Variants in TBC1D22A observed in about 807,000 individuals in gnomAD.
TBC1D22A encodes the protein TBC1 domain family member 22A.
A neutral mutation model predicts 60.2 loss-of-function variants in TBC1D22A; 38 were observed. The ratio of observed to expected loss-of-function variants is 0.63; its 90% CI spans 0.49 to 0.83. The LOEUF (loss-of-function observed/expected upper bound fraction) is 0.83. Among genes scored for constraint, TBC1D22A ranks in the 40% least tolerant of loss-of-function variants. The pLI, the probability that TBC1D22A is intolerant of heterozygous loss-of-function variation, is 0.00. For missense variants in TBC1D22A, 628 were observed against 701.0 expected (o/e 0.90, Z 1.18); for synonymous variants, 302 against 281.7 (o/e 1.07, Z -0.72).
intron 10 of TBC1D22A, among the ~76,000 whole-genome samples, chr22:47,005,463 A>C (rs1602952729): frequency 1.3e-5 from 2 of 151,612 alleles, no homozygotes; most frequent in African/African-American, 2.4e-5. Context: ...CTATACACCC[A>C]CCATATACAC....
intron 5 of TBC1D22A, among the ~76,000 whole-genome samples, chr22:46,884,349 T>G (rs983048317): frequency 2.6e-5 from 4 of 152,176 alleles, no homozygotes; most frequent in African/African-American, 9.7e-5. Flanking sequence ...GGTGCATTCC[T>G]GTCTGGTTCA....
At chr22:46,967,832 G>T (rs748352108) in intron 8 of TBC1D22A, among the ~76,000 whole-genome samples, 19 of 150,940 alleles carry the variant, frequency 1.3e-4, no homozygotes, top group South Asian at 4.2e-4. Flanking sequence ...TATGATTCCA[G>T]TGCACCCCCT....
At chr22:46,854,417 A>G (rs959479736) in intron 4 of TBC1D22A, among the ~76,000 whole-genome samples, 4 of 149,860 alleles carry the variant, frequency 2.7e-5, no homozygotes, top group African/African-American at 7.4e-5. Flanking sequence ...TGAACAAGCC[A>G]CCCCTCTCCA....
chr22:47,049,379 G>A (rs1238387411), intron 11 of TBC1D22A, among the ~76,000 whole-genome samples: 4 of 152,262 alleles, frequency 2.6e-5, no homozygotes, highest in Non-Finnish European at 5.9e-5. Flanking sequence ...GTCCCCCTGG[G>A]CAGCGGGACC....
At chr22:46,841,073 T>TGTGTGTGTGA (rs35099198) in intron 4 of TBC1D22A, among the ~76,000 whole-genome samples, 5,713 of 148,462 alleles carry the variant, frequency 0.038, 141 homozygotes, top group Non-Finnish European at 0.057. Flanking sequence ...TGTGTGTGTG[T>TGTGTGTGTGA]GAGAGAGAGA....
chr22:46,809,984 T>G (rs933423369), intron 4 of TBC1D22A, among the ~76,000 whole-genome samples: 1 of 152,246 alleles, frequency 6.6e-6, no homozygotes, highest in African/African-American at 2.4e-5. Context: ...TGATCTTTAC[T>G]TAAAATTCTT....
At chr22:46,988,638 A>C (rs1011698852) in intron 9 of TBC1D22A, among the ~76,000 whole-genome samples, 8 of 152,252 alleles carry the variant, frequency 5.3e-5, no homozygotes, top group African/African-American at 1.7e-4. Flanking sequence ...GTAGGTCTCA[A>C]CAGTGGGCTT....
At chr22:46,768,310 C>A (rs2083357630) in intron 1 of TBC1D22A, 1 of 151,972 alleles carries the variant, frequency 6.6e-6, no homozygotes, top group African/African-American at 2.4e-5. Context: ...CATGGTGAAA[C>A]CCCGTCTCTA....
At chr22:46,819,575 C>A (rs544674955) in intron 4 of TBC1D22A, among the ~76,000 whole-genome samples, 1 of 152,160 alleles carries the variant, frequency 6.6e-6, no homozygotes, top group Non-Finnish European at 1.5e-5. Context: ...CCTTGAATCC[C>A]AGGGATGAAG....
At chr22:46,830,352 C>G (rs576477080) in intron 4 of TBC1D22A, among the ~76,000 whole-genome samples, 23 of 152,224 alleles carry the variant, frequency 1.5e-4, no homozygotes, top group African/African-American at 5.1e-4. Context: ...GCCCTATTCT[C>G]AATAAATGAC....
intron 12 of TBC1D22A, among the ~76,000 whole-genome samples, chr22:47,135,582 G>A (rs1430839451): frequency 2.0e-5 from 3 of 152,216 alleles, no homozygotes; most frequent in Non-Finnish European, 4.4e-5. Flanking sequence ...CAGTAGTGGG[G>A]CATGGCCCAA....
intron 9 of TBC1D22A, among the ~76,000 whole-genome samples, chr22:46,989,213 T>C (rs559137808): frequency 6.6e-6 from 1 of 152,364 alleles, no homozygotes; most frequent in South Asian, 2.1e-4. Flanking sequence ...TGTTTGGATC[T>C]TCTATCCAGA....
intron 8 of TBC1D22A, among the ~76,000 whole-genome samples, chr22:46,941,437 T>C (rs1769594787): frequency 7.1e-6 from 1 of 140,414 alleles, no homozygotes; most frequent in Non-Finnish European, 1.6e-5. Flanking sequence ...GGAATATATA[T>C]ACACGGAATA....
rs1367239680 is a variant in TBC1D22A, at chr22:47,069,712, G to A, written c.1329+32514G>A. Among the ~76,000 whole-genome samples, 3 of 113,900 alleles carry A rather than the reference G, an allele frequency of 2.6e-5. 1 individual carries two copies. The highest frequency in any genetic ancestry group is 3.1e-4 in the East Asian group (1 of 3,270). 74.7% of individuals were successfully genotyped at this position (113,900 alleles called of 152,430 possible). On this transcript the variant is annotated intron_variant, in intron 11 of 12. Transcript: ENST00000337137. ...TTGGTTGGAGCGGGGCTGACCTGAC[G>A]GTCCTGGCTGTTCCCGGTTGTTTGG...
chr22:47,054,705 G>T (rs1231706798), intron 11 of TBC1D22A, among the ~76,000 whole-genome samples: 2 of 151,860 alleles, frequency 1.3e-5, no homozygotes, highest in African/African-American at 2.4e-5. Flanking sequence ...TCAAGTAGCA[G>T]GGCCGGTGGT....
Position 47,132,506 on chromosome 22 carries a change from C to G in TBC1D22A, c.1425+20903C>G, listed in dbSNP as rs962163954. Among the ~76,000 whole-genome samples the G allele has an allele frequency of 3.2e-5, 4 of 126,352 alleles. No homozygotes were observed. The Admixed American group carries it at 3.4e-4, about 11-fold the overall frequency. 82.9% of individuals were successfully genotyped at this position (126,352 alleles called of 152,430 possible). ...CTGCTTACCTGCCCGGCCTTAGTCC[C>G]TGCACCGCCCCGCCCTGCTGTCTCT... On this transcript the variant is annotated intron_variant, in intron 12 of 12. Transcript: ENST00000337137.
chr22:47,127,723 C>G (rs2066517520), intron 12 of TBC1D22A, among the ~76,000 whole-genome samples: 1 of 152,046 alleles, frequency 6.6e-6, no homozygotes, highest in African/African-American at 2.4e-5. Flanking sequence ...GCACTGAGCA[C>G]TTTTCCCAGG....
chr22:47,078,014 G>A (rs540230234), intron 11 of TBC1D22A, among the ~76,000 whole-genome samples: 2 of 152,288 alleles, frequency 1.3e-5, no homozygotes, highest in Non-Finnish European at 2.9e-5. Context: ...GCAGCATCTT[G>A]TATTTAGCAC....
chr22:46,974,827 GCCAGGGCT>G (rs1266168147), intron 9 of TBC1D22A, among the ~76,000 whole-genome samples: 1 of 152,244 alleles, frequency 6.6e-6, no homozygotes, highest in Admixed American at 6.5e-5. Flanking sequence ...AGTATTGGTG[GCCAGGGCT>G]CCAGGTGCGT....
Sources: gnomAD v4.1 joint callset for allele counts (sites outside exome capture counted in the v4.1 genomes callset) on GRCh38, gnomAD v4.1.1 for gene constraint, MANE v1.5 for transcripts, NCBI Gene and HGNC (gene_info 2026-07-23, HGNC 2026-07-21) for gene names.